The following VPS13B variants were observed in gnomAD, a reference collection of about 807,000 sequenced individuals.
The protein encoded by VPS13B is vacuolar protein sorting 13 homolog B, also known as intermembrane lipid transfer protein VPS13B.
VPS13B carries 285 observed loss-of-function variants against 426.4 expected under a neutral mutation model. That is an observed-to-expected ratio of 0.67 (90% CI 0.61 to 0.74). The LOEUF is 0.74. VPS13B is among the 30% of genes least tolerant of loss of function. The pLI, the probability that VPS13B is intolerant of heterozygous loss-of-function variation, is 0.00. For synonymous variants in VPS13B, 1,676 were observed against 1,676.4 expected, an observed-to-expected ratio of 1.00 and a Z score of 0.01; for missense variants, 4,537 against 4,782.6, an observed-to-expected ratio of 0.95 and a Z score of 1.51.
chr8:99,342,865 A>G (rs1181585942), intron 19 of VPS13B, among the ~76,000 whole-genome samples: 2 of 152,124 alleles, frequency 1.3e-5, no homozygotes, highest in African/African-American at 2.4e-5. Context: ...TCTAGCAACT[A>G]TGTACAAGAT....
chr8:99,357,702 C>G (rs568036932), intron 19 of VPS13B, among the ~76,000 whole-genome samples: 1 of 152,206 alleles, frequency 6.6e-6, no homozygotes, highest in South Asian at 2.1e-4. Context: ...GCTGTAGGGT[C>G]TTAGTAAAGT....
intron 23 of VPS13B, among the ~76,000 whole-genome samples, chr8:99,460,344 A>G (rs1172213130): frequency 6.6e-6 from 1 of 152,148 alleles, no homozygotes; most frequent in African/African-American, 2.4e-5. Context: ...CTGGTAAATT[A>G]TGGAAAATTT....
intron 24 of VPS13B, among the ~76,000 whole-genome samples, chr8:99,478,461 T>TTTTTTTTTTTGTTTTTTTTTTTTTTTTTG (rs1819848170): frequency 8.1e-6 from 1 of 122,922 alleles, no homozygotes. Context: ...TTTTTTTTTT[T>TTTTTTTTTTTGTTTTTTTTTTTTTTTTTG]TTTTGTTTTT....
At chr8:99,793,114 G>A (rs1812637184) in intron 43 of VPS13B, among the ~76,000 whole-genome samples, 1 of 150,726 alleles carries the variant, frequency 6.6e-6, no homozygotes, top group Non-Finnish European at 1.5e-5. Flanking sequence ...TGAAGTGGGA[G>A]GATTGCTTGA....
intron 4 of VPS13B, among the ~76,000 whole-genome samples, chr8:99,100,818 G>A (rs534886425): frequency 7.2e-5 from 11 of 151,968 alleles, no homozygotes; most frequent in South Asian, 2.1e-4. Flanking sequence ...CAAGGAGGGC[G>A]GATCACGAGG....
intron 33 of VPS13B, among the ~76,000 whole-genome samples, chr8:99,640,071 GA>G (rs1829283721): frequency 7.5e-6 from 1 of 133,438 alleles, no homozygotes; most frequent in Admixed American, 7.5e-5. Flanking sequence ...GAAAAGAAAA[GA>G]AAAGAAAAGA....
At chr8:99,383,698 A>G (rs1452819100) in intron 19 of VPS13B, among the ~76,000 whole-genome samples, 2 of 152,154 alleles carry the variant, frequency 1.3e-5, no homozygotes, top group East Asian at 1.9e-4. Flanking sequence ...GCAATTTCAT[A>G]TAAGTGGAAT....
At chr8:99,476,367 ACT>A (rs1386514133) in intron 24 of VPS13B, among the ~76,000 whole-genome samples, 1 of 150,398 alleles carries the variant, frequency 6.6e-6, no homozygotes, top group African/African-American at 2.4e-5. Flanking sequence ...ATGCTTCCAG[ACT>A]CTCTTTGGAT....
chr8:99,871,651 TACTC>T lies in VPS13B; in HGVS notation c.11702_11705del (p.Leu3901GlnfsTer15), dbSNP rs1161589003. ...GCACAGGACAGCAAGCAGAACAACT[TACTC>T]ACAGTGCAGCTCAAGCAGCCAAGAG... On this transcript the variant is annotated frameshift_variant, in exon 61 of 62. Transcript: ENST00000357162. LOFTEE classifies it high-confidence loss of function. The T allele has an allele frequency of 6.2e-6, 10 of 1,614,000 alleles. No individual in the cohort carries two copies. The highest frequency in any genetic ancestry group is 2.2e-5 in the South Asian group (2 of 91,082).
chr8:99,660,490 AAC>A (rs1830180508), intron 34 of VPS13B, among the ~76,000 whole-genome samples: 1 of 152,152 alleles, frequency 6.6e-6, no homozygotes, highest in Admixed American at 6.5e-5. Flanking sequence ...AGGCCATTAA[AAC>A]ACAGAGAGTA....
In VPS13B at chr8:99,641,968, G is replaced by T; in HGVS notation, c.5378G>T (p.Arg1793Leu). The T allele has an allele frequency of 6.2e-7, 1 of 1,614,046 alleles. No homozygotes were observed. Among genetic ancestry groups the T allele is most frequent in the Non-Finnish European group, 8.5e-7 (1 of 1,179,996 alleles). Residue 1793 changes from arginine (R) to leucine (L), a missense_variant, in exon 34 of 62, where the codon CGC becomes CTC. Around this residue, in one of 2 missense-constraint regions of VPS13B, gnomAD observed 4,311 missense variants for 4,474.3 expected, o/e 0.96. Coordinates refer to ENST00000357162, the MANE Select transcript of VPS13B (RefSeq NM_152564.5). ...IEQHSGASQH[R>L]IARPSRQSSI... ...CAGCACAGTGGTGCCAGTCAGCATCGCATTGCCCGTCCCTCACGCCAGTCA... is the reference window on the plus strand; with the variant it reads ...CAGCACAGTGGTGCCAGTCAGCATCTCATTGCCCGTCCCTCACGCCAGTCA...
At position 99,787,602 on chromosome 8, in the gene VPS13B, C is replaced by CA. The variant is rs1415266899; in HGVS notation, c.7941+3127dup. The stretch of plus-strand genomic sequence containing the variant: ...GGGACTGGTCTTCAAAGAAGTATGT[C>CA]ACATTATGCTACGTTGAATCTAGGG... On this transcript the variant is annotated intron_variant, in intron 43 of 61. Transcript: ENST00000357162. 1.3e-3 allele frequency among the ~76,000 whole-genome samples: 192 copies of CA among 152,212 alleles called. 2 individuals are homozygous for CA. Among genetic ancestry groups the CA allele is most frequent in the Admixed American group, 3.7e-3 (57 of 15,280 alleles).
Position 99,467,521 on chromosome 8 carries a change from C to G in VPS13B, c.3553C>G (p.Leu1185Val). 1 of 1,613,824 alleles carries G rather than the reference C, an allele frequency of 6.2e-7. No individual in the cohort carries two copies. The highest frequency in any genetic ancestry group is 8.5e-7 in the Non-Finnish European group (1 of 1,179,822). ...LVEPMGCTSTLAVTSQKLLAT... is the reference protein window; with the variant it reads ...LVEPMGCTSTVAVTSQKLLAT... ...GGAACCTATGGGTTGCACCTCCACT[C>G]TAGCTGTCACGTCTCAAAAACTGCT... Residue 1185 changes from leucine to valine, a missense_variant, in exon 24 of 62, where the codon CTA becomes GTA. Leu to Val is a conservative substitution (Grantham distance 32). Transcript: ENST00000357162.
intron 17 of VPS13B, chr8:99,233,126 T>A: frequency 7.4e-7 from 1 of 1,344,160 alleles, no homozygotes; most frequent in Non-Finnish European, 1.1e-6. Context: ...GTTTCCCTGA[T>A]ACTGCGCTGT....
chr8:99,146,327 A>C (rs766454726), intron 13 of VPS13B, among the ~76,000 whole-genome samples: 19 of 152,274 alleles, frequency 1.2e-4, no homozygotes, highest in Middle Eastern at 3.4e-3. Flanking sequence ...CTTTGTAAAA[A>C]ATCAATTGAG....
At chr8:99,369,396 A>G (rs1051589074) in intron 19 of VPS13B, among the ~76,000 whole-genome samples, 1 of 152,242 alleles carries the variant, frequency 6.6e-6, no homozygotes, top group African/African-American at 2.4e-5. Context: ...TAAGCCACAT[A>G]CATATCCGCA....
intron 27 of VPS13B, among the ~76,000 whole-genome samples, chr8:99,505,863 G>T (rs926285383): frequency 3.9e-5 from 6 of 152,156 alleles, no homozygotes; most frequent in African/African-American, 1.4e-4. Context: ...TATTCTCAAA[G>T]AGGGTTCTTA....
At chr8:99,512,889 A>T (rs989187135) in intron 29 of VPS13B, among the ~76,000 whole-genome samples, 5 of 152,008 alleles carry the variant, frequency 3.3e-5, no homozygotes, top group African/African-American at 1.2e-4. Flanking sequence ...CGTGCCTGTA[A>T]TCCCAGCTAC....
chr8:99,625,569 A>G lies in VPS13B; in HGVS notation c.5221-16242A>G, dbSNP rs57994419. Among the ~76,000 whole-genome samples the G allele has an allele frequency of 4.9e-3, 746 of 152,112 alleles. 7 individuals are homozygous for G. The highest frequency in any genetic ancestry group is 0.017 in the African/African-American group (719 of 41,490). ...TTCCTATATGTTAATAATAATAAAC[A>G]ATAGACCAGGCACAATGGCTCACAC... On this transcript the variant is annotated intron_variant, in intron 33 of 61. Transcript: ENST00000357162.
Sources: allele counts gnomAD v4.1 joint callset (sites outside exome capture counted in the v4.1 genomes callset), GRCh38; gene constraint gnomAD v4.1.1; regional missense constraint gnomAD v4.1.1; transcripts MANE v1.5; gene names NCBI Gene and HGNC (gene_info 2026-07-23, HGNC 2026-07-21).